The following KIFAP3 variants were observed in gnomAD, a reference collection of about 807,000 sequenced individuals.
The protein encoded by KIFAP3 is kinesin associated protein 3.
A neutral mutation model predicts 106.5 loss-of-function variants in KIFAP3; 68 were observed. That is an observed-to-expected ratio of 0.64 (90% CI 0.53 to 0.78). The LOEUF (loss-of-function observed/expected upper bound fraction) is 0.78. Among genes scored for constraint, KIFAP3 ranks in the 30% least tolerant of loss-of-function variants. The pLI is 0.00. For missense variants in KIFAP3, 780 were observed against 941.8 expected (o/e 0.83, Z 2.25); for synonymous variants, 320 against 311.5 (o/e 1.03, Z -0.29).
intron 1 of KIFAP3, chr1:170,084,919 CCA>C (rs779005293): frequency 9.9e-5 from 15 of 152,126 alleles, no homozygotes; most frequent in Non-Finnish European, 1.8e-4. Context: ...TATATTTTAT[CCA>C]CACAGCAACG....
chr1:169,948,092 A>G (rs898765423), intron 19 of KIFAP3, among the ~76,000 whole-genome samples: 1 of 151,664 alleles, frequency 6.6e-6, no homozygotes, highest in African/African-American at 2.4e-5. Flanking sequence ...TGATTATTTC[A>G]TATGGACAAA....
intron 11 of KIFAP3, among the ~76,000 whole-genome samples, chr1:169,987,663 T>C (rs1283247697): frequency 5.3e-5 from 8 of 151,978 alleles, no homozygotes; most frequent in Non-Finnish European, 8.8e-5. Flanking sequence ...AAGAAGCATG[T>C]AGATCAAAGG....
intron 15 of KIFAP3, among the ~76,000 whole-genome samples, chr1:169,980,376 G>A (rs546986250): frequency 2.6e-5 from 4 of 152,016 alleles, no homozygotes; most frequent in African/African-American, 9.6e-5. Flanking sequence ...TATACTATTC[G>A]CTAGTTATGA....
intron 19 of KIFAP3, among the ~76,000 whole-genome samples, chr1:169,925,525 A>C (rs1327321237): frequency 6.6e-6 from 1 of 151,872 alleles, no homozygotes; most frequent in Admixed American, 6.6e-5. Context: ...TAGAAATCTA[A>C]TTAGCATTCA....
chr1:169,922,917 G>T, intron 19 of KIFAP3: 1 of 178,358 alleles, frequency 5.6e-6, no homozygotes, highest in Non-Finnish European at 1.1e-5. Context: ...GTGAGATTAA[G>T]TTGACACACT....
At chr1:170,082,806 C>T (rs755706197) in intron 1 of KIFAP3, among the ~76,000 whole-genome samples, 8 of 151,978 alleles carry the variant, frequency 5.3e-5, no homozygotes, top group Non-Finnish European at 1.2e-4. Context: ...AACCCCATCT[C>T]TATCAAAAAT....
chr1:169,961,787 A>T (rs1665350623), intron 17 of KIFAP3, among the ~76,000 whole-genome samples: 1 of 152,180 alleles, frequency 6.6e-6, no homozygotes, highest in South Asian at 2.1e-4. Flanking sequence ...TTTTCTTAAA[A>T]ATATTCCTTT....
At chr1:170,014,640 A>G (rs553564950) in intron 10 of KIFAP3, among the ~76,000 whole-genome samples, 11 of 152,282 alleles carry the variant, frequency 7.2e-5, no homozygotes, top group African/African-American at 2.4e-4. Flanking sequence ...GCTATGGTAG[A>G]GTATCAACAT....
At chr1:170,029,813 A>G (rs2102037934) in intron 8 of KIFAP3, among the ~76,000 whole-genome samples, 1 of 152,108 alleles carries the variant, frequency 6.6e-6, no homozygotes, top group East Asian at 1.9e-4. Flanking sequence ...TAGAAACCCA[A>G]AAATAGGCAT....
chr1:170,044,404 T>C (rs1382006200), intron 3 of KIFAP3, among the ~76,000 whole-genome samples: 1 of 152,196 alleles, frequency 6.6e-6, no homozygotes, highest in Non-Finnish European at 1.5e-5. Context: ...CTCCATGTGA[T>C]AGCCTTTTGT....
chr1:170,076,704 A>G (rs1671924072), upstream of KIFAP3, among the ~76,000 whole-genome samples: 2 of 152,244 alleles, frequency 1.3e-5, no homozygotes, highest in South Asian at 4.1e-4. Flanking sequence ...TTAACAGAAA[A>G]TACCTGGTAG....
chr1:170,071,726 C>T (rs530847998), intron 1 of KIFAP3, among the ~76,000 whole-genome samples: 30 of 152,302 alleles, frequency 2.0e-4, no homozygotes, highest in African/African-American at 7.2e-4. Flanking sequence ...GAGGGATCCA[C>T]CCCCAAAACT....
chr1:169,994,753 T>A (rs895283358), intron 10 of KIFAP3, among the ~76,000 whole-genome samples: 1 of 151,960 alleles, frequency 6.6e-6, no homozygotes, highest in Non-Finnish European at 1.5e-5. Context: ...TATAGAAAAA[T>A]TAAATTTATA....
rs542361277 is a variant in KIFAP3 at position 170,007,044 on chromosome 1, T to G, written c.1183+9418A>C. Among the ~76,000 whole-genome samples, 6 of 152,260 alleles carry G rather than the reference T, an allele frequency of 3.9e-5. No homozygotes were observed. The East Asian group carries it at 1.2e-3, about 29-fold the overall frequency. On this transcript the variant is annotated intron_variant, in intron 10 of 19. Coordinates refer to ENST00000361580, the MANE Select transcript of KIFAP3 (RefSeq NM_014970.4). ...GAAAGCTATTAAGAGTACTGAGTCC[T>G]GGAAAACCAATGGAAAAAGTTAAAG...
intron 17 of KIFAP3, among the ~76,000 whole-genome samples, chr1:169,966,876 T>TGC (rs1051113836): frequency 3.9e-5 from 6 of 151,966 alleles, no homozygotes; most frequent in Non-Finnish European, 8.9e-5. Flanking sequence ...GAATGAAATA[T>TGC]GCCATAAGGA....
chr1:170,045,983 CA>C (rs1200617040), intron 3 of KIFAP3, among the ~76,000 whole-genome samples: 1 of 151,906 alleles, frequency 6.6e-6, no homozygotes, highest in African/African-American at 2.4e-5. Context: ...TGATGCCAAC[CA>C]GTCAGAAGAC....
intron 19 of KIFAP3, among the ~76,000 whole-genome samples, chr1:169,950,282 TA>T: frequency 6.6e-6 from 1 of 152,246 alleles, no homozygotes; most frequent in Admixed American, 6.5e-5. Flanking sequence ...GGCTGAAGAG[TA>T]TGCCACTTGG....
At chr1:170,012,194 T>C (rs1438598785) in intron 10 of KIFAP3, among the ~76,000 whole-genome samples, 1 of 152,068 alleles carries the variant, frequency 6.6e-6, no homozygotes, top group African/African-American at 2.4e-5. Flanking sequence ...ATGCTGCTGG[T>C]ACAGAAGAAA....
At chr1:170,067,210 T>C (rs1283367078) in intron 1 of KIFAP3, among the ~76,000 whole-genome samples, 1 of 152,052 alleles carries the variant, frequency 6.6e-6, no homozygotes, top group Non-Finnish European at 1.5e-5. Context: ...CAATGCATAC[T>C]GAGTAGGTCT....
Sources: gnomAD v4.1 joint callset for allele counts (sites outside exome capture counted in the v4.1 genomes callset) on GRCh38, gnomAD v4.1.1 for gene constraint, MANE v1.5 for transcripts, NCBI Gene and HGNC (gene_info 2026-07-23, HGNC 2026-07-21) for gene names.